Variants in TJP2 observed in about 807,000 individuals in gnomAD.
TJP2 encodes the protein Friedreich ataxia region gene X104 (tight junction protein ZO-2).
In TJP2, 91 loss-of-function variants were observed where a neutral mutation model predicts 133.1. The ratio of observed to expected loss-of-function variants is 0.68; its 90% confidence interval spans 0.58 to 0.81. The LOEUF is 0.81. Among genes scored for constraint, TJP2 ranks in the 40% least tolerant of loss-of-function variants. TJP2 has a pLI of 0.00. For synonymous variants in TJP2, 592 were observed against 583.4 expected (o/e 1.01, Z -0.21); for missense variants, 1,541 against 1,565.6 (o/e 0.98, Z 0.26).
Position 69,229,267 on chromosome 9 carries a change from C to T in TJP2, c.1520+17C>T. On this transcript the variant is annotated intron_variant, in intron 10 of 22. Transcript: ENST00000377245. ...AATATATGGGTATGTATTTCCGTCT[C>T]TCTTTGTTTTCCCTTCTTCCTTACA... 6.2e-7 allele frequency: 1 copy of T among 1,611,212 alleles called. No homozygotes were observed. The highest frequency in any genetic ancestry group is 2.2e-5 in the East Asian group (1 of 44,850).
At chr9:69,166,881 G>A (rs897471705) in intron 2 of TJP2, among the ~76,000 whole-genome samples, 1 of 152,240 alleles carries the variant, frequency 6.6e-6, no homozygotes, top group Non-Finnish European at 1.5e-5. Flanking sequence ...AGGCTGCTGT[G>A]AGCTATGATT....
At chr9:69,220,393 GATT>G (rs1337645195) in intron 4 of TJP2, among the ~76,000 whole-genome samples, 1 of 152,150 alleles carries the variant, frequency 6.6e-6, no homozygotes, top group Non-Finnish European at 1.5e-5. Flanking sequence ...GAAACGTTCA[GATT>G]ATTTTCTTCC....
intron 2 of TJP2, among the ~76,000 whole-genome samples, chr9:69,213,118 C>G (rs77339850): frequency 7.4e-6 from 1 of 135,478 alleles, no homozygotes; most frequent in Non-Finnish European, 1.5e-5. Flanking sequence ...GGCTGGAGTA[C>G]GGTGGTGCAA....
chr9:69,145,586 C>T (rs1823178454), intron 1 of TJP2: 3 of 540,972 alleles, frequency 5.5e-6, no homozygotes, highest in Non-Finnish European at 8.4e-6. Context: ...TTTAATAGAT[C>T]TAGCTAGGGC....
intron 1 of TJP2, 23 bp downstream of exon 1, chr9:69,174,455 C>T: frequency 3.9e-6 from 6 of 1,545,072 alleles, no homozygotes; most frequent in Non-Finnish European, 5.2e-6. Context: ...TTGTGCCGCG[C>T]GGTTGGGAGG....
chr9:69,159,404 T>C (rs908977095), intron 2 of TJP2, among the ~76,000 whole-genome samples: 6 of 24,032 alleles, frequency 2.5e-4, no homozygotes, highest in African/African-American at 1.8e-3. Context: ...ATTTGAAATA[T>C]AATATTGATA....
At chr9:69,184,959 A>T (rs1825754921) in intron 1 of TJP2, among the ~76,000 whole-genome samples, 1 of 152,040 alleles carries the variant, frequency 6.6e-6, no homozygotes, top group African/African-American at 2.4e-5. Context: ...TATGTTGCCC[A>T]GGTGGGCCTT....
At chr9:69,184,402 T>G (rs1363553530) in intron 1 of TJP2, among the ~76,000 whole-genome samples, 2 of 152,162 alleles carry the variant, frequency 1.3e-5, no homozygotes, top group Non-Finnish European at 2.9e-5. Flanking sequence ...GCCTTGAGGC[T>G]GGTGAAAGGG....
chr9:69,188,788 A>C (rs1476688946), intron 1 of TJP2, among the ~76,000 whole-genome samples: 2 of 152,196 alleles, frequency 1.3e-5, no homozygotes, highest in Non-Finnish European at 2.9e-5. Context: ...ATGTCTTATC[A>C]TGTGAGAGTA....
chr9:69,246,019 G>A (rs79674929), intron 17 of TJP2, among the ~76,000 whole-genome samples: 1 of 152,130 alleles, frequency 6.6e-6, no homozygotes, highest in Non-Finnish European at 1.5e-5. Flanking sequence ...ACATCTAAAC[G>A]TGCAGGGTTT....
In TJP2 at chr9:69,174,378, G is replaced by T. The variant is rs967014248; in HGVS notation, c.6G>T (p.Pro2=). 6 of 1,551,926 alleles carry T rather than the reference G, an allele frequency of 3.9e-6. No homozygotes were observed. Among genetic ancestry groups the T allele is most frequent in the Non-Finnish European group, 5.2e-6 (6 of 1,147,124 alleles). The change falls in exon 1 of 23, where the codon CCG becomes CCT. Residue 2 remains proline, a synonymous_variant. Coordinates refer to ENST00000377245, the MANE Select transcript of TJP2 (RefSeq NM_004817.4). ...ACGCGGGACCTGTGTCCGAAATGCC[G>T]GTGCGAGGAGACCGCGGGTTTCCAC... M[P]VRGDRGFPPR... is the part of the protein sequence containing the mutation.
intron 2 of TJP2, among the ~76,000 whole-genome samples, chr9:69,153,310 C>T (rs141600978): frequency 7.2e-5 from 11 of 152,118 alleles, no homozygotes; most frequent in African/African-American, 2.4e-4. Context: ...TGTCTGGGCG[C>T]GGTGGCTCAT....
intron 1 of TJP2, among the ~76,000 whole-genome samples, chr9:69,122,534 A>G (rs1822192408): frequency 6.6e-6 from 1 of 152,240 alleles, no homozygotes; most frequent in African/African-American, 2.4e-5. Context: ...GCTTGTCAGC[A>G]TATACAGGGC....
rs1425512066 is a variant in TJP2, at chr9:69,127,215, G to A, written c.-131+5490G>A. ...CTCCTGAGTAGCTGGGACTACAGGT[G>A]CCCGCCACCACGCCCGGCTAATTTT... On this transcript the variant is annotated intron_variant, in intron 1 of 5. Coordinates refer to the TJP2 transcript ENST00000423935. Among the ~76,000 whole-genome samples the A allele has an allele frequency of 1.3e-3, 97 of 72,694 alleles. 29 individuals are homozygous for A. The highest frequency in any genetic ancestry group is 4.2e-3 in the African/African-American group (94 of 22,624). 47.7% of individuals were successfully genotyped at this position (72,694 alleles called of 152,430 possible).
intron 5 of TJP2, among the ~76,000 whole-genome samples, chr9:69,224,728 CCTT>C (rs745829360): frequency 6.6e-6 from 1 of 152,014 alleles, no homozygotes; most frequent in Non-Finnish European, 1.5e-5. Context: ...AAACATATAA[CCTT>C]CATCTAGTTT....
intron 1 of TJP2, among the ~76,000 whole-genome samples, chr9:69,204,243 G>T (rs1406484562): frequency 6.6e-6 from 1 of 152,110 alleles, no homozygotes; most frequent in African/African-American, 2.4e-5. Flanking sequence ...GCCATCTCAT[G>T]GTCCAGATTT....
intron 18 of TJP2, among the ~76,000 whole-genome samples, chr9:69,247,356 GA>G (rs1830999972): frequency 6.6e-6 from 1 of 152,192 alleles, no homozygotes; most frequent in South Asian, 2.1e-4. Flanking sequence ...AGGAGAGAGG[GA>G]GATTCTATTA....
At chr9:69,144,261 C>G (rs1823124004) in intron 1 of TJP2, among the ~76,000 whole-genome samples, 1 of 152,186 alleles carries the variant, frequency 6.6e-6, no homozygotes, top group African/African-American at 2.4e-5. Context: ...ATGTGCACCT[C>G]ACTTTGGAGA....
chr9:69,246,833 T>C (rs1469818182), intron 18 of TJP2, 43 bp downstream of exon 18: 1 of 1,557,860 alleles, frequency 6.4e-7, no homozygotes, highest in Non-Finnish European at 8.9e-7. Flanking sequence ...GAGTCCCTGT[T>C]CTGAAACTTT....
Sources: gnomAD v4.1 joint callset for allele counts (sites outside exome capture counted in the v4.1 genomes callset) on GRCh38, gnomAD v4.1.1 for gene constraint, MANE v1.5 for transcripts, NCBI Gene and HGNC (gene_info 2026-07-23, HGNC 2026-07-21) for gene names.